Variants in FBLN5 observed in about 807,000 individuals in gnomAD.
FBLN5 encodes the protein fibulin 5.
Under a neutral mutation model 61.6 loss-of-function variants are expected in FBLN5, and 24 were observed. The ratio of observed to expected loss-of-function variants is 0.39; its 90% CI spans 0.28 to 0.55. The LOEUF (loss-of-function observed/expected upper bound fraction) is 0.55, where lower values mean the gene tolerates loss of function less well. FBLN5 is among the 20% of genes least tolerant of loss of function. FBLN5 has a pLI of 0.65. For missense variants in FBLN5, 470 were observed against 594.1 expected, an observed-to-expected ratio of 0.79 and a Z score of 2.17; for synonymous variants, 213 against 219.8, an observed-to-expected ratio of 0.97 and a Z score of 0.27.
chr14:91,918,182 A>G (rs948600984), intron 4 of FBLN5, among the ~76,000 whole-genome samples: 1 of 152,212 alleles, frequency 6.6e-6, no homozygotes, highest in East Asian at 1.9e-4. Context: ...CTGATGGTAC[A>G]TTCCTCATCC....
intron 4 of FBLN5, among the ~76,000 whole-genome samples, chr14:91,903,188 T>G (rs1890532241): frequency 6.6e-6 from 1 of 152,206 alleles, no homozygotes; most frequent in South Asian, 2.1e-4. Flanking sequence ...GTTGTTATTT[T>G]TGGAGTCTTA....
At chr14:91,897,868 G>A (rs1890289059) in intron 4 of FBLN5, among the ~76,000 whole-genome samples, 1 of 152,136 alleles carries the variant, frequency 6.6e-6, no homozygotes, top group Non-Finnish European at 1.5e-5. Context: ...GGGCAACATG[G>A]CAAAACCCTG....
intron 9 of FBLN5, 30 bp from the exon 10 acceptor site, chr14:91,877,712 A>G (rs1194998022): frequency 6.3e-7 from 1 of 1,585,598 alleles, no homozygotes. Context: ...GTGAGAACTC[A>G]AGAAATCCAT....
intron 4 of FBLN5, among the ~76,000 whole-genome samples, chr14:91,913,332 C>A (rs918985278): frequency 6.6e-6 from 1 of 152,120 alleles, no homozygotes; most frequent in African/African-American, 2.4e-5. Context: ...GGAAATGCCA[C>A]CTAAAATGTA....
intron 5 of FBLN5, among the ~76,000 whole-genome samples, chr14:91,893,253 C>T (rs568304581): frequency 3.3e-5 from 5 of 152,314 alleles, no homozygotes; most frequent in South Asian, 2.1e-4. Flanking sequence ...CTCTGAAATT[C>T]GACATATTAA....
At chr14:91,929,080 AAC>A (rs113397883) in intron 4 of FBLN5, among the ~76,000 whole-genome samples, 7,188 of 143,028 alleles carry the variant, frequency 0.05, 504 homozygotes, top group African/African-American at 0.16. Context: ...CCTGTCTCAA[AAC>A]ACACACACAC....
intron 2 of FBLN5, 129 bp from the exon 3 acceptor site, chr14:91,940,745 T>C: frequency 1.3e-6 from 1 of 743,964 alleles, no homozygotes; most frequent in Non-Finnish European, 2.4e-6. Context: ...ACCTGTATTA[T>C]AACCCCTATT....
At chr14:91,880,471 G>C (rs1465009857) in intron 9 of FBLN5, among the ~76,000 whole-genome samples, 1 of 152,120 alleles carries the variant, frequency 6.6e-6, no homozygotes, top group African/African-American at 2.4e-5. Context: ...GAGAATCTTT[G>C]CATAGCTCTG....
intron 10 of FBLN5, among the ~76,000 whole-genome samples, chr14:91,876,506 G>A (rs923328907): frequency 2.0e-5 from 3 of 152,026 alleles, no homozygotes; most frequent in Admixed American, 1.3e-4. Flanking sequence ...TCTGGACAGA[G>A]AGATTATCTG....
chr14:91,925,973 T>C (rs2055820742), intron 4 of FBLN5, among the ~76,000 whole-genome samples: 1 of 152,010 alleles, frequency 6.6e-6, no homozygotes, highest in Non-Finnish European at 1.5e-5. Flanking sequence ...GGAGACTGAG[T>C]GAGGAAGGCA....
At chr14:91,879,737 G>A (rs1302110219) in intron 9 of FBLN5, among the ~76,000 whole-genome samples, 1 of 152,220 alleles carries the variant, frequency 6.6e-6, no homozygotes, top group East Asian at 1.9e-4. Context: ...GTCCCTAAAG[G>A]ATCCGCCTGT....
intron 4 of FBLN5, among the ~76,000 whole-genome samples, chr14:91,907,039 A>C (rs546195202): frequency 6.6e-6 from 1 of 152,352 alleles, no homozygotes; most frequent in East Asian, 1.9e-4. Flanking sequence ...AAGACACCAC[A>C]TGGATCTAGA....
intron 5 of FBLN5, among the ~76,000 whole-genome samples, chr14:91,893,071 G>T (rs1483633870): frequency 2.0e-5 from 3 of 152,074 alleles, no homozygotes; most frequent in Admixed American, 6.5e-5. Context: ...GTATAGCCCG[G>T]TCTCCCCCTA....
chr14:91,895,682 C>T (rs374244887), intron 4 of FBLN5, among the ~76,000 whole-genome samples: 2 of 151,180 alleles, frequency 1.3e-5, no homozygotes, highest in African/African-American at 4.9e-5. Flanking sequence ...CCTGTAGTCC[C>T]AGCTACTCAG....
intron 10 of FBLN5, among the ~76,000 whole-genome samples, chr14:91,871,841 C>T (rs185892377): frequency 6.7e-6 from 1 of 148,894 alleles, no homozygotes; most frequent in Admixed American, 6.8e-5. Flanking sequence ...TGGACAACGG[C>T]GAGACTCCAG....
intron 4 of FBLN5, among the ~76,000 whole-genome samples, chr14:91,897,827 T>C (rs1414024704): frequency 2.0e-5 from 3 of 152,196 alleles, no homozygotes; most frequent in Admixed American, 6.5e-5. Flanking sequence ...GTGGGTAAGA[T>C]TGCTTGAGTC....
rs573516260 is a variant in FBLN5, at chr14:91,932,331, C to T, written c.379+4616G>A. 6.6e-5 allele frequency among the ~76,000 whole-genome samples: 10 copies of T among 152,280 alleles called. No homozygotes were observed. In the South Asian group the frequency reaches 1.7e-3, roughly 25 times the overall value. On this transcript the variant is annotated intron_variant, in intron 4 of 10. Transcript: ENST00000342058. ...CTGTGGACTCAAACCTAAGGCCAAA[C>T]ATTGTTCCAAAAGGACAGGGTCTAG...
intron 8 of FBLN5, among the ~76,000 whole-genome samples, chr14:91,881,731 C>A (rs1278422018): frequency 1.3e-5 from 2 of 150,714 alleles, no homozygotes; most frequent in African/African-American, 2.4e-5. Flanking sequence ...AGTTCAAGAC[C>A]GGCCTGGGCA....
chr14:91,924,741 T>C (rs2055797975), intron 4 of FBLN5, among the ~76,000 whole-genome samples: 3 of 152,064 alleles, frequency 2.0e-5, no homozygotes, highest in Admixed American at 2.0e-4. Flanking sequence ...ATCACAAATG[T>C]GTATTTATCA....
Sources: gnomAD v4.1 joint callset for allele counts (sites outside exome capture counted in the v4.1 genomes callset) on GRCh38, gnomAD v4.1.1 for gene constraint, MANE v1.5 for transcripts, NCBI Gene and HGNC (gene_info 2026-07-23, HGNC 2026-07-21) for gene names.